Variants in GNG7 observed in about 807,000 individuals in gnomAD.
GNG7 encodes guanine nucleotide-binding protein G(I)/G(S)/G(O) subunit gamma-7.
In GNG7, 1 loss-of-function variant was observed where a neutral mutation model predicts 4.0. The observed-to-expected ratio is 0.25, with a 90% confidence interval of 0.09 to 1.18. GNG7 has a LOEUF of 1.18. GNG7 is among the 50% of genes most tolerant of loss of function. The pLI, the probability that GNG7 is intolerant of heterozygous loss-of-function variation, is 0.50. For missense variants in GNG7, 86 were observed against 91.9 expected (o/e 0.94, Z 0.26); for synonymous variants, 34 against 36.9 (o/e 0.92, Z 0.29).
At chr19:2,644,376 TATATAA>T (rs1982607643) in intron 2 of GNG7, among the ~76,000 whole-genome samples, 1 of 129,010 alleles carries the variant, frequency 7.8e-6, no homozygotes, top group African/African-American at 3.6e-5. Flanking sequence ...TATATATATA[TATATAA>T]TGCTCTATCT....
intron 3 of GNG7, among the ~76,000 whole-genome samples, chr19:2,528,468 A>G (rs1978483831): frequency 6.6e-6 from 1 of 151,110 alleles, no homozygotes; most frequent in Admixed American, 6.6e-5. Context: ...CTGTAGTCCC[A>G]GCTACTCAGG....
chr19:2,645,445 G>A (rs1982640084), intron 2 of GNG7, among the ~76,000 whole-genome samples: 3 of 151,880 alleles, frequency 2.0e-5, no homozygotes, highest in African/African-American at 7.3e-5. Context: ...CACCATGTTG[G>A]TCAGGCTGGT....
Position 2,512,258 on chromosome 19 carries a change from C to T in GNG7, c.*2764G>A. 1.0e-6 allele frequency: 1 copy of T among 985,916 alleles called. No individual in the cohort carries two copies. The highest frequency in any genetic ancestry group is 1.2e-6 in the Non-Finnish European group (1 of 829,954). The allele number at this position is 985,916 out of a possible 1,614,324, so 61.1% of individuals were successfully genotyped here. On this transcript the variant is annotated 3_prime_UTR_variant, in exon 5 of 5. Coordinates refer to ENST00000382159, the MANE Select transcript of GNG7 (RefSeq NM_052847.3). This position sits in a 1 kb window ranked among gnomAD's most constrained non-coding sequence, Gnocchi z 4.7. ...AAAACATGCGTTCACCCCAGGGATT[C>T]CCGGCAGAAAAGCACATGTGGCGGT...
At chr19:2,524,771 C>T (rs1409656553) in intron 3 of GNG7, among the ~76,000 whole-genome samples, 1 of 152,010 alleles carries the variant, frequency 6.6e-6, no homozygotes, top group African/African-American at 2.4e-5. Context: ...ACTGCATGTG[C>T]GTGTGCGCAC....
In GNG7 at chr19:2,522,950, C is replaced by T. The variant is rs887316667; in HGVS notation, c.-37-2225G>A. ...CATGATCTCAGCTCACTGCAAGCTC[C>T]GCTTCTCCAGCTCCAGCGATACTCT... On this transcript the variant is annotated intron_variant, in intron 3 of 4. Coordinates refer to ENST00000382159, the MANE Select transcript of GNG7 (RefSeq NM_052847.3). Among the ~76,000 whole-genome samples the T allele has an allele frequency of 1.5e-4, 22 of 151,222 alleles. No homozygotes were observed. The East Asian group carries it at 1.7e-3, about 11-fold the overall frequency.
At chr19:2,556,228 G>T (rs1191587971) in intron 2 of GNG7, among the ~76,000 whole-genome samples, 1 of 152,234 alleles carries the variant, frequency 6.6e-6, no homozygotes, top group Non-Finnish European at 1.5e-5. Context: ...AGCCCCACTT[G>T]GAGAAGCCAG....
chr19:2,683,805 G>A (rs1045327348), intron 1 of GNG7: 3 of 152,268 alleles, frequency 2.0e-5, no homozygotes, highest in African/African-American at 7.2e-5. Flanking sequence ...CTTGCACAGG[G>A]ACGGGCCAGC....
intron 3 of GNG7, among the ~76,000 whole-genome samples, chr19:2,547,709 T>C (rs75857059): frequency 0.031 from 4,673 of 152,284 alleles, 247 homozygotes; most frequent in African/African-American, 0.11. Context: ...GCCACTTGGA[T>C]GGAAGGGGCT....
intron 2 of GNG7, among the ~76,000 whole-genome samples, chr19:2,573,881 C>T (rs866677532): frequency 2.0e-5 from 3 of 152,192 alleles, no homozygotes; most frequent in Non-Finnish European, 4.4e-5. Context: ...TTGGCATTTC[C>T]CTCCCGTGGT....
intron 3 of GNG7, among the ~76,000 whole-genome samples, chr19:2,549,778 C>T (rs571250631): frequency 3.9e-5 from 6 of 152,116 alleles, no homozygotes; most frequent in South Asian, 2.1e-4. Context: ...GCCAGCAGGC[C>T]GGGGGTGAGG....
chr19:2,701,577 C>G (rs113341270), intron 1 of GNG7, among the ~76,000 whole-genome samples: 2,870 of 150,860 alleles, frequency 0.019, 106 homozygotes, highest in African/African-American at 0.066. Flanking sequence ...CTAACCCTAA[C>G]CCCTGGGCCG....
chr19:2,633,616 C>T lies in GNG7; in HGVS notation c.-78+12608G>A, dbSNP rs1356143402. 6.6e-6 allele frequency among the ~76,000 whole-genome samples: 1 copy of T among 151,942 alleles called. No homozygotes were observed. Among genetic ancestry groups the T allele is most frequent in the Non-Finnish European group, 1.5e-5 (1 of 67,998 alleles). ...GTGAGCCTCTCTGGGTATGGAGCCT[C>T]AATCAGTAGAGTCAGGTGGTCGCAA... On this transcript the variant is annotated intron_variant, in intron 2 of 4. Coordinates refer to ENST00000382159, the MANE Select transcript of GNG7 (RefSeq NM_052847.3). The surrounding 1 kb of genome is among the most constrained non-coding windows in gnomAD (Gnocchi z 5.9).
At chr19:2,652,687 G>A (rs1229839269) in intron 1 of GNG7, among the ~76,000 whole-genome samples, 1 of 152,078 alleles carries the variant, frequency 6.6e-6, no homozygotes, top group Admixed American at 6.6e-5. Context: ...GTTAGTGGTA[G>A]AGGAGGGAAA....
Position 2,617,706 on chromosome 19 carries a change from T to G in GNG7, c.-78+28518A>C, listed in dbSNP as rs539713638. Among the ~76,000 whole-genome samples, 2 of 151,724 alleles carry G rather than the reference T, an allele frequency of 1.3e-5. No homozygotes were observed. Among genetic ancestry groups the G allele is most frequent in the African/African-American group, 4.9e-5 (2 of 41,128 alleles). On this transcript the variant is annotated intron_variant, in intron 2 of 4. Transcript: ENST00000382159. This position sits in a 1 kb window ranked among gnomAD's most constrained non-coding sequence, Gnocchi z 4.7. ...CCTCTTGGTGCCACCTCATCCTATT[T>G]TGTCTTTTCCTTTTTATTTTTTTTT...
intron 3 of GNG7, among the ~76,000 whole-genome samples, chr19:2,521,841 T>C (rs969340364): frequency 5.3e-5 from 8 of 152,126 alleles, no homozygotes; most frequent in Non-Finnish European, 8.8e-5. Flanking sequence ...CTTGAACTCC[T>C]GACCTCAGGT....
chr19:2,612,081 G>T (rs1981586182), intron 2 of GNG7, among the ~76,000 whole-genome samples: 1 of 152,032 alleles, frequency 6.6e-6, no homozygotes, highest in Non-Finnish European at 1.5e-5. Context: ...CACCATGTTG[G>T]CCAGGATGGT....
At chr19:2,549,479 C>T (rs556761403) in intron 3 of GNG7, among the ~76,000 whole-genome samples, 152 of 152,076 alleles carry the variant, frequency 1.0e-3, no homozygotes, top group African/African-American at 3.5e-3. Flanking sequence ...TTAGTAGAGA[C>T]GGGGTTTCAC....
intron 2 of GNG7, among the ~76,000 whole-genome samples, chr19:2,596,495 C>T (rs1294328475): frequency 3.3e-5 from 5 of 151,656 alleles, no homozygotes; most frequent in East Asian, 1.9e-4. Flanking sequence ...AGTGAGACCC[C>T]GTCTCAATTA....
chr19:2,564,405 A>AC (rs1381139069), intron 2 of GNG7, among the ~76,000 whole-genome samples: 1 of 151,980 alleles, frequency 6.6e-6, no homozygotes, highest in Non-Finnish European at 1.5e-5. Flanking sequence ...ACGTGGTGAA[A>AC]CCCCATCTCT....
Sources: allele counts gnomAD v4.1 joint callset (sites outside exome capture counted in the v4.1 genomes callset), GRCh38; gene constraint gnomAD v4.1.1; non-coding constraint Gnocchi (gnomAD v3.1); transcripts MANE v1.5; gene names NCBI Gene and HGNC (gene_info 2026-07-23, HGNC 2026-07-21).